Variants in SEPHS1 observed in about 807,000 individuals in gnomAD.
The protein encoded by SEPHS1 is selenophosphate synthetase 1.
A neutral mutation model predicts 39.2 loss-of-function variants in SEPHS1; 7 were observed. The observed-to-expected ratio is 0.18, with a 90% CI of 0.10 to 0.34. The LOEUF is 0.34. Ranked by LOEUF, SEPHS1 falls within the 10% of genes least tolerant of loss-of-function variation. The pLI, the probability that SEPHS1 is intolerant of heterozygous loss-of-function variation, is 1.00. For missense variants in SEPHS1, 253 were observed against 514.5 expected, an observed-to-expected ratio of 0.49 and a Z score of 4.92; for synonymous variants, 190 against 195.5, an observed-to-expected ratio of 0.97 and a Z score of 0.23.
At chr10:13,330,861 G>A (rs1326013668) in intron 5 of SEPHS1, among the ~76,000 whole-genome samples, 2 of 151,812 alleles carry the variant, frequency 1.3e-5, no homozygotes, top group Non-Finnish European at 2.9e-5. Flanking sequence ...TATACTTTAA[G>A]TTCTAGGGTA....
chr10:13,341,330 A>G (rs1282343209), intron 2 of SEPHS1, among the ~76,000 whole-genome samples: 3 of 149,012 alleles, frequency 2.0e-5, no homozygotes, highest in Non-Finnish European at 4.5e-5. Flanking sequence ...TAGACAGAAC[A>G]GTTTAGGTTT....
intron 8 of SEPHS1, among the ~76,000 whole-genome samples, chr10:13,321,647 G>T (rs1162946290): frequency 6.6e-6 from 1 of 152,204 alleles, no homozygotes; most frequent in African/African-American, 2.4e-5. Flanking sequence ...AAAACAGGGA[G>T]ACTTAAAAGA....
Position 13,344,925 on chromosome 10 carries a change from G to A in SEPHS1, c.26C>T (p.Pro9Leu), listed in dbSNP as rs781715713. The A allele has an allele frequency of 6.3e-7, 1 of 1,587,832 alleles. No individual in the cohort carries two copies. The highest frequency in any genetic ancestry group is 2.3e-5 in the East Asian group (1 of 43,506). The change falls in exon 2 of 9, where the codon CCG (proline) becomes CTG (leucine). Residue 9 changes from proline to leucine, a missense_variant. Physicochemically the swap from Pro to Leu is moderately conservative, Grantham distance 98. Transcript: ENST00000327347. Reference protein sequence around the residue: MSTRESFNPESYELDKSFR... With the variant: MSTRESFNLESYELDKSFR... ...GCTTTTGTCCAATTCGTAACTTTCC[G>A]GGTTAAAGGACTCCCGCGTAGACAT...
rs1158953466 is a variant in SEPHS1, at chr10:13,317,712, A to C, written c.*1430T>G. ...TTCCTTTGGCAAGAAGTCAGTTTAC[A>C]TGTGCAGCTTTGGTGCCTGTGAGCA... On this transcript the variant is annotated 3_prime_UTR_variant, in exon 9 of 9. Transcript: ENST00000327347. The C allele has an allele frequency of 6.6e-6, 1 of 152,224 alleles. No homozygotes were observed. The highest frequency in any genetic ancestry group is 1.5e-5 in the Non-Finnish European group (1 of 68,058). The allele number at this position is 152,224 out of a possible 1,614,324, so 9.4% of individuals were successfully genotyped here. A position where few individuals can be genotyped will look rare whatever the true frequency, so the allele number is the denominator to read the frequency against.
At chr10:13,321,817 G>A (rs1833127363) in intron 8 of SEPHS1, among the ~76,000 whole-genome samples, 1 of 152,220 alleles carries the variant, frequency 6.6e-6, no homozygotes, top group Non-Finnish European at 1.5e-5. Flanking sequence ...GGCCATGCTG[G>A]AGTACCTGCC....
chr10:13,341,057 G>GT (rs1418848582), intron 2 of SEPHS1, among the ~76,000 whole-genome samples: 1 of 152,098 alleles, frequency 6.6e-6, no homozygotes, highest in Non-Finnish European at 1.5e-5. Context: ...CCTGATTTTT[G>GT]TTATCGGGTT....
Position 13,336,345 on chromosome 10 carries a change from C to T in SEPHS1, c.303G>A (p.Arg101=), listed in dbSNP as rs1402240125. ...PIVDDPYMMG[R]IACANVLSDL... is the part of the protein sequence containing the mutation. ...CACTGAGGACATTGGCACACGCTAT[C>T]CTGCCCTGGGAAGAGAGGGAAACAT... Residue 101 remains arginine (R), a synonymous_variant, in exon 4 of 9, where the codon AGG becomes AGA. Coordinates refer to ENST00000327347, the MANE Select transcript of SEPHS1 (RefSeq NM_012247.5). The T allele has an allele frequency of 6.2e-7, 1 of 1,612,170 alleles. No homozygotes were observed. Among genetic ancestry groups the T allele is most frequent in the Non-Finnish European group, 8.5e-7 (1 of 1,178,412 alleles).
At chr10:13,338,856 A>G in intron 2 of SEPHS1, 48 bp from the exon 3 acceptor site, 1 of 1,324,388 alleles carries the variant, frequency 7.6e-7, no homozygotes, top group Non-Finnish European at 1.1e-6. Flanking sequence ...CGGGAAAGCC[A>G]TTTCATTTTA....
intron 4 of SEPHS1, 31 bp from the exon 5 acceptor site, chr10:13,334,002 C>T (rs1833548822): frequency 6.3e-7 from 1 of 1,577,248 alleles, no homozygotes. Flanking sequence ...AATAAAAAGT[C>T]AAAGAATTCT....
At chr10:13,330,674 C>T (rs1013286524) in intron 5 of SEPHS1, among the ~76,000 whole-genome samples, 1 of 152,148 alleles carries the variant, frequency 6.6e-6, no homozygotes, top group Non-Finnish European at 1.5e-5. Flanking sequence ...TACCAACACC[C>T]AGCTCCCCAG....
At chr10:13,332,996 G>A (rs951034605) in intron 5 of SEPHS1, among the ~76,000 whole-genome samples, 5 of 152,156 alleles carry the variant, frequency 3.3e-5, no homozygotes, top group African/African-American at 1.2e-4. Flanking sequence ...AGCCGAGGAG[G>A]ATGGGGTTTC....
chr10:13,325,895 CAAAAAAAAAAAA>C (rs562038894), intron 7 of SEPHS1, among the ~76,000 whole-genome samples: 65 of 26,398 alleles, frequency 2.5e-3, no homozygotes, highest in African/African-American at 0.012. Context: ...GACTCCGTCT[CAAAAAAAAAAAA>C]AAAAAAAAAA....
At chr10:13,322,173 GCT>G (rs1564442031) in intron 8 of SEPHS1, 3 of 363,446 alleles carry the variant, frequency 8.3e-6, no homozygotes, top group Non-Finnish European at 1.6e-5. Context: ...GCAGAATCTC[GCT>G]CTGTCACCCA....
chr10:13,340,695 G>A (rs1054079966), intron 2 of SEPHS1: 1 of 152,220 alleles, frequency 6.6e-6, no homozygotes, highest in African/African-American at 2.4e-5. Context: ...ACATACATTT[G>A]ATTTGTAAAG....
chr10:13,323,029 G>C lies in SEPHS1; in HGVS notation c.770C>G (p.Thr257Arg). 6.2e-7 allele frequency: 1 copy of C among 1,613,954 alleles called. No homozygotes were observed. Residue 257 changes from threonine to arginine, a missense_variant, in exon 8 of 9, where the codon ACG becomes AGG. This residue lies in a region of SEPHS1 where 107 missense variants were observed against 257.1 expected (regional missense o/e 0.42). Transcript: ENST00000327347. ...LNRTAAGLMH[T>R]FNAHAATDIT... ...GTCAGTGGCGGCGTGGGCATTGAACGTGTGCATGAGTCCTGCAGCTGGGAG... is the reference window on the plus strand; with the variant it reads ...GTCAGTGGCGGCGTGGGCATTGAACCTGTGCATGAGTCCTGCAGCTGGGAG...
At chr10:13,336,195 C>T in intron 4 of SEPHS1, 48 bp downstream of exon 4, 1 of 1,335,710 alleles carries the variant, frequency 7.5e-7, no homozygotes, top group Non-Finnish European at 1.1e-6. Context: ...GCCAGAGATG[C>T]CACCGGGACA....
chr10:13,341,579 A>G (rs537519872), intron 2 of SEPHS1, among the ~76,000 whole-genome samples: 8 of 152,310 alleles, frequency 5.3e-5, no homozygotes, highest in Non-Finnish European at 1.2e-4. Flanking sequence ...AATCGTGTGT[A>G]CATTTAAAAG....
intron 2 of SEPHS1, among the ~76,000 whole-genome samples, chr10:13,343,302 A>G (rs1226797626): frequency 6.6e-6 from 1 of 152,052 alleles, no homozygotes; most frequent in Non-Finnish European, 1.5e-5. Context: ...GCTCGCTCAC[A>G]TGGTATTTCT....
chr10:13,322,548 C>T (rs879806302), intron 8 of SEPHS1, among the ~76,000 whole-genome samples: 1 of 152,148 alleles, frequency 6.6e-6, no homozygotes, highest in South Asian at 2.1e-4. Context: ...ATTTCAAATG[C>T]GAAGCTTTCA....
Sources: gnomAD v4.1 joint callset for allele counts (sites outside exome capture counted in the v4.1 genomes callset) on GRCh38, gnomAD v4.1.1 for gene constraint, gnomAD v4.1.1 regional missense constraint, MANE v1.5 for transcripts, NCBI Gene and HGNC (gene_info 2026-07-23, HGNC 2026-07-21) for gene names.